TSPAN8: variants seen among roughly 807,000 people sequenced by gnomAD.
TSPAN8 encodes tetraspanin 8.
A neutral mutation model predicts 32.8 loss-of-function variants in TSPAN8; 21 were observed. The ratio of observed to expected loss-of-function variants is 0.64; its 90% CI spans 0.45 to 0.92. The LOEUF (loss-of-function observed/expected upper bound fraction) is 0.92, where lower values mean the gene tolerates loss of function less well. Among genes scored for constraint, TSPAN8 ranks in the 40% least tolerant of loss-of-function variants. The pLI, the probability that TSPAN8 is intolerant of heterozygous loss-of-function variation, is 0.00. For synonymous variants in TSPAN8, 95 were observed against 94.6 expected (o/e 1.00, Z -0.03); for missense variants, 269 against 281.9 (o/e 0.95, Z 0.33).
chr12:71,140,880 C>T (rs772808449), intron 3 of TSPAN8, among the ~76,000 whole-genome samples: 16 of 152,170 alleles, frequency 1.1e-4, no homozygotes, highest in Admixed American at 9.8e-4. Flanking sequence ...TAGACTAACT[C>T]GAAACCTCTG....
intron 2 of TSPAN8, among the ~76,000 whole-genome samples, chr12:71,154,308 T>G (rs1278922385): frequency 2.9e-5 from 3 of 102,908 alleles, no homozygotes; most frequent in Non-Finnish European, 5.9e-5. Context: ...AGACTCTGTC[T>G]CAAAATAATA....
Position 71,157,660 on chromosome 12 carries a change from A to T in TSPAN8, c.19T>A (p.Cys7Ser), listed in dbSNP as rs1207413895. MAGVSA[C>S]IKYSMFTFNF... ...AAGGTAAACATAGAATATTTTATAC[A>T]GGCACTCACACCTGCCATTTCGGAA... Residue 7 changes from cysteine to serine, a missense_variant, in exon 2 of 9, where the codon TGT becomes AGT. Coordinates refer to ENST00000247829, the MANE Select transcript of TSPAN8 (RefSeq NM_004616.3). The T allele has an allele frequency of 6.2e-7, 1 of 1,613,654 alleles. No homozygotes were observed.
chr12:71,151,853 A>G (rs1029895559), intron 2 of TSPAN8, among the ~76,000 whole-genome samples: 2 of 152,236 alleles, frequency 1.3e-5, no homozygotes, highest in African/African-American at 4.8e-5. Flanking sequence ...TTTGGGTCCT[A>G]TATTCAAAGT....
intron 2 of TSPAN8, among the ~76,000 whole-genome samples, chr12:71,149,456 T>C (rs991089614): frequency 2.6e-5 from 4 of 152,062 alleles, no homozygotes; most frequent in African/African-American, 9.7e-5. Context: ...TCATGCGATA[T>C]TGGATTTTCT....
intron 2 of TSPAN8, among the ~76,000 whole-genome samples, chr12:71,154,311 A>AAATAATAAT (rs58976021): frequency 1.3e-3 from 177 of 137,218 alleles, no homozygotes; most frequent in Middle Eastern, 3.6e-3. Context: ...CTCTGTCTCA[A>AAATAATAAT]AATAATAATA....
chr12:71,126,849 C>G (rs534364668), intron 8 of TSPAN8, among the ~76,000 whole-genome samples: 10 of 151,652 alleles, frequency 6.6e-5, no homozygotes, highest in African/African-American at 2.4e-4. Flanking sequence ...GTATGATAGT[C>G]TGGCTGTTTT....
At chr12:71,155,890 C>A (rs1355153677) in intron 2 of TSPAN8, among the ~76,000 whole-genome samples, 1 of 152,040 alleles carries the variant, frequency 6.6e-6, no homozygotes, top group South Asian at 2.1e-4. Context: ...TGCCACCATG[C>A]CCGGCTAATT....
intron 8 of TSPAN8, among the ~76,000 whole-genome samples, chr12:71,125,791 A>G (rs1233965113): frequency 3.9e-5 from 6 of 152,190 alleles, no homozygotes; most frequent in African/African-American, 1.2e-4. Context: ...GGTTATGATC[A>G]TCTGGTTTAA....
At position 71,132,714 on chromosome 12, in the gene TSPAN8, A is replaced by C. The variant is rs772379057; in HGVS notation, c.555T>G (p.Asn185Lys). The C allele has an allele frequency of 1.2e-6, 2 of 1,613,752 alleles. No individual in the cohort carries two copies. Among genetic ancestry groups the C allele is most frequent in the South Asian group, 2.2e-5 (2 of 91,066 alleles). The stretch of plus-strand genomic sequence containing the variant: ...TCACCTCTTTGTAAACTTGTTTTCC[A>C]TTATAGCTTTGGCATGGTCTCTGCT... ...LDKQRPCQSY[N>K]GKQVYKETCI... The change falls in exon 7 of 9, where the codon AAT becomes AAG. Residue 185 changes from asparagine to lysine, a missense_variant. Coordinates refer to ENST00000247829, the MANE Select transcript of TSPAN8 (RefSeq NM_004616.3).
At chr12:71,149,991 G>C (rs1030859714) in intron 2 of TSPAN8, among the ~76,000 whole-genome samples, 2 of 152,134 alleles carry the variant, frequency 1.3e-5, no homozygotes, top group African/African-American at 4.8e-5. Flanking sequence ...AAGGAATATT[G>C]ATATTAATAC....
At chr12:71,137,824 G>T in intron 6 of TSPAN8, 129 bp downstream of exon 6, 2 of 758,470 alleles carry the variant, frequency 2.6e-6, no homozygotes, top group South Asian at 2.0e-5. Flanking sequence ...TTATTGCATG[G>T]TGACAGAATA....
intron 4 of TSPAN8, 66 bp downstream of exon 4, chr12:71,139,645 A>G (rs1871832723): frequency 6.4e-7 from 1 of 1,562,028 alleles, no homozygotes; most frequent in Non-Finnish European, 8.7e-7. Flanking sequence ...TTAACAGACA[A>G]TAGGGATGGG....
At chr12:71,129,232 G>GT (rs112700480) in intron 8 of TSPAN8, 99 bp downstream of exon 8, 105,066 of 932,150 alleles carry the variant, frequency 0.11, 3 homozygotes, top group South Asian at 0.14. Flanking sequence ...GGTTGTTGTG[G>GT]TTTTTTTTTT....
At chr12:71,125,801 A>G (rs1381630724) in intron 8 of TSPAN8, among the ~76,000 whole-genome samples, 2 of 152,202 alleles carry the variant, frequency 1.3e-5, no homozygotes, top group Non-Finnish European at 2.9e-5. Context: ...ATCTGGTTTA[A>G]ATCATCTGCA....
chr12:71,135,294 G>A lies in TSPAN8; in HGVS notation c.445-2470C>T, dbSNP rs1307740158. 5.2e-4 allele frequency among the ~76,000 whole-genome samples: 72 copies of A among 138,384 alleles called. 1 individual carries two copies. The South Asian group carries it at 0.018, about 35-fold the overall frequency. 90.8% of individuals were successfully genotyped at this position (138,384 alleles called of 152,430 possible). On this transcript the variant is annotated intron_variant, in intron 6 of 8. Transcript: ENST00000247829. ...GAGGAGAAGGAAGAAGAAGAAGAAGGAGGAGGGGGAGGGGGAGGTGGCACA... is the reference window on the plus strand; with the variant it reads ...GAGGAGAAGGAAGAAGAAGAAGAAGAAGGAGGGGGAGGGGGAGGTGGCACA...
intron 4 of TSPAN8, chr12:71,139,254 T>A: frequency 4.4e-6 from 2 of 458,112 alleles, no homozygotes; most frequent in South Asian, 3.1e-5. Context: ...ACTGCCACGT[T>A]GTCTTTCCGG....
chr12:71,127,076 T>C (rs547347169), intron 8 of TSPAN8, among the ~76,000 whole-genome samples: 14 of 152,274 alleles, frequency 9.2e-5, no homozygotes, highest in African/African-American at 3.4e-4. Context: ...TTTTATATGA[T>C]ATTTTTCTGT....
chr12:71,138,432 G>A (rs1455129969), intron 4 of TSPAN8, among the ~76,000 whole-genome samples: 2 of 152,138 alleles, frequency 1.3e-5, no homozygotes, highest in Non-Finnish European at 2.9e-5. Context: ...GAGACTGATC[G>A]AGGAAAGTGG....
At chr12:71,131,281 T>G (rs1871510451) in intron 7 of TSPAN8, among the ~76,000 whole-genome samples, 1 of 152,152 alleles carries the variant, frequency 6.6e-6, no homozygotes, top group Non-Finnish European at 1.5e-5. Context: ...GTAATATTAC[T>G]TTGACAATGA....
Sources: gnomAD v4.1 joint callset for allele counts (sites outside exome capture counted in the v4.1 genomes callset) on GRCh38, gnomAD v4.1.1 for gene constraint, MANE v1.5 for transcripts, NCBI Gene and HGNC (gene_info 2026-07-23, HGNC 2026-07-21) for gene names.